ETS1: variants seen among roughly 807,000 people sequenced by gnomAD.
ETS1 encodes the protein ETS proto-oncogene 1, transcription factor.
In ETS1, 15 loss-of-function variants were observed where a neutral mutation model predicts 58.6. The observed-to-expected ratio is 0.26, with a 90% CI of 0.17 to 0.39. The LOEUF (loss-of-function observed/expected upper bound fraction) is 0.39. Among genes scored for constraint, ETS1 ranks in the 10% least tolerant of loss-of-function variants. The pLI is 1.00. For missense variants in ETS1, 417 were observed against 610.5 expected, an observed-to-expected ratio of 0.68 and a Z score of 3.34; for synonymous variants, 214 against 218.2, an observed-to-expected ratio of 0.98 and a Z score of 0.17.
chr11:128,550,575 G>C (rs916046821), intron 3 of ETS1, among the ~76,000 whole-genome samples: 7 of 152,190 alleles, frequency 4.6e-5, no homozygotes, highest in African/African-American at 1.7e-4. Flanking sequence ...GATGGGATGG[G>C]GATATATGGC....
intron 3 of ETS1, among the ~76,000 whole-genome samples, chr11:128,515,449 T>A (rs768684002): frequency 2.6e-5 from 4 of 152,130 alleles, no homozygotes; most frequent in Non-Finnish European, 5.9e-5. Flanking sequence ...TAAAATATAA[T>A]CCATGTTTGG....
At chr11:128,520,817 G>A (rs546890484) in intron 3 of ETS1, among the ~76,000 whole-genome samples, 6 of 152,298 alleles carry the variant, frequency 3.9e-5, no homozygotes, top group South Asian at 2.1e-4. Flanking sequence ...TTTAAGCAGC[G>A]TAAGAAAGGG....
chr11:128,479,349 A>G (rs1158827436), intron 8 of ETS1, among the ~76,000 whole-genome samples: 3 of 152,222 alleles, frequency 2.0e-5, no homozygotes, highest in African/African-American at 7.2e-5. Context: ...AATAAGCTCT[A>G]CTCACAACAC....
intron 3 of ETS1, among the ~76,000 whole-genome samples, chr11:128,555,570 A>G (rs1409472700): frequency 1.3e-5 from 2 of 152,238 alleles, no homozygotes; most frequent in Admixed American, 6.5e-5. Flanking sequence ...TGAATTGATC[A>G]TTTCAAAATT....
chr11:128,533,009 A>C (rs1863922393), intron 3 of ETS1, among the ~76,000 whole-genome samples: 1 of 152,156 alleles, frequency 6.6e-6, no homozygotes, highest in African/African-American at 2.4e-5. Flanking sequence ...CAAAGAGCCT[A>C]GTGATAGACA....
At chr11:128,495,613 G>A (rs77199001) in intron 3 of ETS1, among the ~76,000 whole-genome samples, 6,176 of 152,240 alleles carry the variant, frequency 0.041, 382 homozygotes, top group African/African-American at 0.13. Flanking sequence ...AAGGCTTACT[G>A]AAATATATTT....
In ETS1 at chr11:128,463,765, C is replaced by T. The variant is rs533895009; in HGVS notation, c.1124-138G>A. 6.5e-6 allele frequency: 4 copies of T among 618,164 alleles called. No homozygotes were observed. Among genetic ancestry groups the T allele is most frequent in the South Asian group, 5.8e-5 (3 of 51,580 alleles). 38.3% of individuals were successfully genotyped at this position (618,164 alleles called of 1,614,324 possible). ...GAAAATGAAGGCAACAGACAGTGCACATGTCGGAGGAAGTGTTATGAGCTC... is the reference window on the plus strand; with the variant it reads ...GAAAATGAAGGCAACAGACAGTGCATATGTCGGAGGAAGTGTTATGAGCTC... On this transcript the variant is annotated intron_variant, in intron 8 of 9. Coordinates refer to ENST00000392668, the MANE Select transcript of ETS1 (RefSeq NM_001143820.2). This position sits in a 1 kb window ranked among gnomAD's most constrained non-coding sequence, Gnocchi z 4.1.
chr11:128,551,871 A>C (rs1014886852), intron 3 of ETS1, among the ~76,000 whole-genome samples: 1 of 152,124 alleles, frequency 6.6e-6, no homozygotes, highest in African/African-American at 2.4e-5. Flanking sequence ...AGTGGTTCTC[A>C]AAGTGTGATC....
Position 128,494,414 on chromosome 11 carries a change from T to C in ETS1, c.215-3838A>G, listed in dbSNP as rs114827948. On this transcript the variant is annotated intron_variant, in intron 3 of 9. Transcript: ENST00000392668. ...TGATTAAATAACCATTGCAGGAGAT[T>C]GCACAGTATTTAGACAGAAGTGAGC... Among the ~76,000 whole-genome samples, 996 of 152,356 alleles carry C rather than the reference T, an allele frequency of 6.5e-3. 7 individuals are homozygous for C. The highest frequency in any genetic ancestry group is 0.022 in the African/African-American group (919 of 41,582).
intron 1 of ETS1, among the ~76,000 whole-genome samples, chr11:128,581,617 G>T (rs1864871679): frequency 6.6e-6 from 1 of 152,142 alleles, no homozygotes; most frequent in South Asian, 2.1e-4. Flanking sequence ...TTCCAAGAAT[G>T]GTCGTAATAG....
chr11:128,505,861 C>A (rs1261483536), intron 3 of ETS1, among the ~76,000 whole-genome samples: 3 of 152,212 alleles, frequency 2.0e-5, no homozygotes, highest in Non-Finnish European at 4.4e-5. Context: ...GCCACCACAG[C>A]CCCAAGCTCC....
At chr11:128,548,700 C>T (rs1864177287) in intron 3 of ETS1, among the ~76,000 whole-genome samples, 1 of 152,266 alleles carries the variant, frequency 6.6e-6, no homozygotes, top group African/African-American at 2.4e-5. Flanking sequence ...AGGCAGCCCA[C>T]GCCCGTCCTC....
intron 3 of ETS1, among the ~76,000 whole-genome samples, chr11:128,510,439 C>T (rs958308886): frequency 6.6e-6 from 1 of 152,146 alleles, no homozygotes; most frequent in African/African-American, 2.4e-5. Flanking sequence ...AGATGACCAC[C>T]TATGCCACCC....
At chr11:128,570,751 A>G (rs10790963) in intron 2 of ETS1, among the ~76,000 whole-genome samples, 63,361 of 151,990 alleles carry the variant, frequency 0.42, 13,606 homozygotes, top group Non-Finnish European at 0.46. Context: ...AACTTTAAAT[A>G]ATGACCTCTA....
At chr11:128,562,213 AGCCTG>A (rs1864415419) in intron 2 of ETS1, among the ~76,000 whole-genome samples, 1 of 152,230 alleles carries the variant, frequency 6.6e-6, no homozygotes. Context: ...GTTCAAGACC[AGCCTG>A]GCCAACAAGT....
At chr11:128,569,315 C>CTTTTTTTTTT (rs1864572866) in intron 2 of ETS1, among the ~76,000 whole-genome samples, 1 of 35,136 alleles carries the variant, frequency 2.8e-5, no homozygotes, top group Non-Finnish European at 6.1e-5. Context: ...GACAGAGTTT[C>CTTTTTTTTTT]TTCTTTTTTT....
intron 3 of ETS1, chr11:128,497,483 C>T: frequency 4.3e-6 from 2 of 464,248 alleles, no homozygotes; most frequent in Non-Finnish European, 5.7e-6. Flanking sequence ...CAGACTTCTC[C>T]CTCTTCCCTT....
chr11:128,504,080 C>A (rs901481560), intron 3 of ETS1, among the ~76,000 whole-genome samples: 23 of 152,054 alleles, frequency 1.5e-4, no homozygotes, highest in African/African-American at 5.3e-4. Flanking sequence ...TTGTGGGGAC[C>A]CAGCTCAAGT....
chr11:128,482,728 G>A (rs911788399), intron 7 of ETS1, among the ~76,000 whole-genome samples: 38 of 152,318 alleles, frequency 2.5e-4, no homozygotes, highest in African/African-American at 7.9e-4. Context: ...TAGATACTCA[G>A]TTATGCTGCT....
Sources: allele counts gnomAD v4.1 joint callset (sites outside exome capture counted in the v4.1 genomes callset), GRCh38; gene constraint gnomAD v4.1.1; non-coding constraint Gnocchi (gnomAD v3.1); transcripts MANE v1.5; gene names NCBI Gene and HGNC (gene_info 2026-07-23, HGNC 2026-07-21).